RPSA2: variants seen among roughly 807,000 people sequenced by gnomAD.
The protein encoded by RPSA2 is ribosomal protein SA 2.
At chr19:23,787,826 T>G in the RPSA2 span, among the ~76,000 whole-genome samples, 1 of 152,226 alleles carries the variant, frequency 6.6e-6, no homozygotes, top group Admixed American at 6.5e-5. Flanking sequence ...TTACTTTTTT[T>G]TCTTGGACCT....
the RPSA2 span, among the ~76,000 whole-genome samples, chr19:23,824,327 C>T: frequency 6.6e-6 from 1 of 151,290 alleles, no homozygotes; most frequent in Non-Finnish European, 1.5e-5. Flanking sequence ...CTTACTCAAG[C>T]TCGTCTTGTG....
chr19:23,775,337 A>G, the RPSA2 span, among the ~76,000 whole-genome samples: 1 of 152,190 alleles, frequency 6.6e-6, no homozygotes, highest in Non-Finnish European at 1.5e-5. Flanking sequence ...ACTTATTAAT[A>G]AGCCTAGCTT....
chr19:23,833,884 G>A, the RPSA2 span, among the ~76,000 whole-genome samples: 5 of 152,008 alleles, frequency 3.3e-5, no homozygotes, highest in Non-Finnish European at 7.4e-5. Flanking sequence ...AAACCCTGAG[G>A]CAGTTGTTAA....
the RPSA2 span, among the ~76,000 whole-genome samples, chr19:23,794,623 T>C: frequency 3.7e-5 from 4 of 106,934 alleles, no homozygotes; most frequent in South Asian, 9.8e-4. Context: ...ATATTTCCTA[T>C]TATTCTGTGG....
chr19:23,862,475 TC>T, the RPSA2 span, among the ~76,000 whole-genome samples: 2 of 151,774 alleles, frequency 1.3e-5, no homozygotes, highest in Non-Finnish European at 1.5e-5. Flanking sequence ...AGGGAATGCT[TC>T]CAGTTTTTGC....
At chr19:23,855,040 G>A in the RPSA2 span, among the ~76,000 whole-genome samples, 3 of 152,050 alleles carry the variant, frequency 2.0e-5, no homozygotes, top group Non-Finnish European at 4.4e-5. Flanking sequence ...ATAATTCATT[G>A]TGACTCTATT....
chr19:23,861,405 G>A, the RPSA2 span, among the ~76,000 whole-genome samples: 1 of 152,118 alleles, frequency 6.6e-6, no homozygotes, highest in South Asian at 2.1e-4. Flanking sequence ...CCACCACACA[G>A]AGGACCAACA....
At chr19:23,766,033 TAGC>T in the RPSA2 span, among the ~76,000 whole-genome samples, 2 of 151,756 alleles carry the variant, frequency 1.3e-5, no homozygotes, top group Non-Finnish European at 2.9e-5. Context: ...GCCACTAACA[TAGC>T]AGTGGGAATA....
chr19:23,825,814 C>G, the RPSA2 span, among the ~76,000 whole-genome samples: 1 of 152,064 alleles, frequency 6.6e-6, no homozygotes, highest in African/African-American at 2.4e-5. Context: ...GTCTTGAACT[C>G]CCAACCTCAG....
chr19:23,827,573 T>A, the RPSA2 span: 26 of 1,588,896 alleles, frequency 1.6e-5, no homozygotes, highest in African/African-American at 2.9e-4. Flanking sequence ...CACGGAGGCA[T>A]CTTATGTTAA....
chr19:23,759,847 A>C, the RPSA2 span, among the ~76,000 whole-genome samples: 6 of 152,066 alleles, frequency 3.9e-5, 1 homozygote, highest in Admixed American at 3.9e-4. Flanking sequence ...TAAAACCATA[A>C]ATAAACAGAC....
chr19:23,793,150 T>C, the RPSA2 span, among the ~76,000 whole-genome samples: 1 of 151,938 alleles, frequency 6.6e-6, no homozygotes, highest in African/African-American at 2.4e-5. Context: ...AGCGTTTTTC[T>C]GGCTGTGTGA....
chr19:23,852,282 T>C, the RPSA2 span, among the ~76,000 whole-genome samples: 2 of 152,096 alleles, frequency 1.3e-5, no homozygotes, highest in Admixed American at 6.5e-5. Context: ...AAATAATTAA[T>C]GTTACCTGCT....
chr19:23,848,965 C>A, the RPSA2 span, among the ~76,000 whole-genome samples: 5 of 152,270 alleles, frequency 3.3e-5, no homozygotes, highest in African/African-American at 9.6e-5. Flanking sequence ...TTTGAGAATT[C>A]ATTGTAACAT....
the RPSA2 span, among the ~76,000 whole-genome samples, chr19:23,845,016 A>G: frequency 2.7e-3 from 388 of 142,698 alleles, no homozygotes; most frequent in Non-Finnish European, 4.7e-3. Flanking sequence ...CCATGAATTT[A>G]TTCATTCTTT....
At chr19:23,759,649 G>A in the RPSA2 span, among the ~76,000 whole-genome samples, 3 of 146,060 alleles carry the variant, frequency 2.1e-5, no homozygotes, top group East Asian at 4.1e-4. Flanking sequence ...TCAGCCTCCC[G>A]AGGAGCTGGG....
the RPSA2 span, among the ~76,000 whole-genome samples, chr19:23,791,526 C>T: frequency 2.8e-4 from 43 of 152,134 alleles, no homozygotes; most frequent in Non-Finnish European, 4.7e-4. Context: ...CCAATGGTGA[C>T]GGATTTTTCC....
At chr19:23,833,255 T>A in the RPSA2 span, 1 of 1,033,290 alleles carries the variant, frequency 9.7e-7, no homozygotes. Context: ...CCTTTAATCC[T>A]TACAACTTAA....
the RPSA2 span, among the ~76,000 whole-genome samples, chr19:23,829,837 AATT>A: frequency 6.6e-6 from 1 of 152,218 alleles, no homozygotes; most frequent in Non-Finnish European, 1.5e-5. Context: ...TTCAGAGAAT[AATT>A]AAAAATGTTT....
Sources: gnomAD v4.1 joint callset for allele counts (sites outside exome capture counted in the v4.1 genomes callset) on GRCh38, gnomAD v4.1.1 for gene constraint, MANE v1.5 for transcripts, NCBI Gene and HGNC (gene_info 2026-07-23, HGNC 2026-07-21) for gene names.